COL5A1: variants seen among roughly 807,000 people sequenced by gnomAD.
COL5A1 encodes the protein collagen type V alpha 1 chain.
In COL5A1, 16 loss-of-function variants were observed where a neutral mutation model predicts 263.7. The observed-to-expected ratio is 0.06, with a 90% CI of 0.04 to 0.09. The LOEUF (loss-of-function observed/expected upper bound fraction) is 0.09. Ranked by LOEUF, COL5A1 falls within the 10% of genes least tolerant of loss-of-function variation. COL5A1 has a pLI of 1.00. For missense variants in COL5A1, 2,036 were observed against 2,540.5 expected (o/e 0.80, Z 4.27); for synonymous variants, 1,012 against 1,004.5 (o/e 1.01, Z -0.14).
chr9:134,760,119 C>A (rs1363220517), intron 18 of COL5A1, among the ~76,000 whole-genome samples: 1 of 128,868 alleles, frequency 7.8e-6, no homozygotes, highest in African/African-American at 3.0e-5. Context: ...CATACACGCC[C>A]ACACACCCCC....
rs1427716893 is a variant in COL5A1 at position 134,757,911 on chromosome 9, T to TG, written c.1882-327dup. ...CTGCTCTCCTGGAGCCTCCCTGGGG[T>TG]GGGGGAGATCAGCAGCAGACACTCA... On this transcript the variant is annotated intron_variant, in intron 17 of 65. Coordinates refer to ENST00000371817, the MANE Select transcript of COL5A1 (RefSeq NM_000093.5). This position sits in a 1 kb window ranked among gnomAD's most constrained non-coding sequence, Gnocchi z 6.2. Among the ~76,000 whole-genome samples, 1 of 151,088 alleles carries TG rather than the reference T, an allele frequency of 6.6e-6. No individual in the cohort carries two copies. The highest frequency in any genetic ancestry group is 1.5e-5 in the Non-Finnish European group (1 of 67,772).
intron 31 of COL5A1, among the ~76,000 whole-genome samples, chr9:134,787,216 T>C (rs1837492666): frequency 6.6e-6 from 1 of 152,190 alleles, no homozygotes; most frequent in South Asian, 2.1e-4. Flanking sequence ...GTGGTCTAAA[T>C]CAAGTCCAGG....
intron 65 of COL5A1, among the ~76,000 whole-genome samples, chr9:134,840,623 G>A (rs1021216953): frequency 6.6e-6 from 1 of 152,174 alleles, no homozygotes; most frequent in Non-Finnish European, 1.5e-5. Context: ...AGGTCCATTC[G>A]CTGCCACGAC....
chr9:134,786,359 A>C (rs1398825598), intron 31 of COL5A1, among the ~76,000 whole-genome samples: 2 of 152,142 alleles, frequency 1.3e-5, no homozygotes, highest in East Asian at 3.9e-4. Context: ...CTCAGCCTCC[A>C]CCGTGTTCAC....
chr9:134,728,896 T>C, intron 6 of COL5A1, 89 bp downstream of exon 6: 1 of 1,557,104 alleles, frequency 6.4e-7, no homozygotes. Context: ...TGTGTCAGGG[T>C]AGAGGGTTGG....
At chr9:134,658,976 G>A (rs1282667705) in intron 1 of COL5A1, among the ~76,000 whole-genome samples, 1 of 152,238 alleles carries the variant, frequency 6.6e-6, no homozygotes, top group African/African-American at 2.4e-5. Flanking sequence ...CTGACCCCAA[G>A]TGCCTTCACA....
intron 2 of COL5A1, among the ~76,000 whole-genome samples, chr9:134,692,610 G>A (rs918726315): frequency 2.0e-5 from 3 of 152,154 alleles, no homozygotes; most frequent in Non-Finnish European, 1.5e-5. Context: ...GGAAGTAAGC[G>A]CTCCTGCTTT....
chr9:134,769,922 C>T (rs1836817321), intron 25 of COL5A1, among the ~76,000 whole-genome samples: 1 of 152,212 alleles, frequency 6.6e-6, no homozygotes, highest in East Asian at 1.9e-4. Context: ...CTTGTTCTCC[C>T]TGGAATTCCC....
At position 134,755,603 on chromosome 9, in the gene COL5A1, C is replaced by G. The variant is rs1480493076; in HGVS notation, c.1828-1162C>G. On this transcript the variant is annotated intron_variant, in intron 16 of 65. Coordinates refer to ENST00000371817, the MANE Select transcript of COL5A1 (RefSeq NM_000093.5). The surrounding 1 kb of genome is among the most constrained non-coding windows in gnomAD (Gnocchi z 4.1). ...GCTCGCTTGTGAATTGTAGAAGCAT[C>G]TGGGTGCTTTGCGGGGCTGAGTTGT... Among the ~76,000 whole-genome samples, 1 of 152,258 alleles carries G rather than the reference C, an allele frequency of 6.6e-6. No homozygotes were observed. The highest frequency in any genetic ancestry group is 1.5e-5 in the Non-Finnish European group (1 of 68,046).
chr9:134,767,106 C>A lies in COL5A1; in HGVS notation c.2187+53C>A, dbSNP rs546755839. Reference sequence around the variant, plus strand: ...CAGGGATCCGGCCGTGGGAGGCACACGTCTCCAGTCCGGAGCCCTGGGAGG... The same window carrying A: ...CAGGGATCCGGCCGTGGGAGGCACAAGTCTCCAGTCCGGAGCCCTGGGAGG... On this transcript the variant is annotated intron_variant, in intron 23 of 65. Coordinates refer to ENST00000371817, the MANE Select transcript of COL5A1 (RefSeq NM_000093.5). 6 of 1,583,200 alleles carry A rather than the reference C, an allele frequency of 3.8e-6. No individual in the cohort carries two copies. The Admixed American group carries it at 8.6e-5, about 23-fold the overall frequency.
In COL5A1 at chr9:134,818,807, C is replaced by A. The variant is rs553985401; in HGVS notation, c.4339-41C>A. 2 of 1,612,466 alleles carry A rather than the reference C, an allele frequency of 1.2e-6. No homozygotes were observed. Among genetic ancestry groups the A allele is most frequent in the South Asian group, 2.2e-5 (2 of 91,050 alleles). Reference sequence around the variant, plus strand: ...GCAGAGGGGTTGCCGAGTGGAGGGACGGGGGACCAGCAACTCATGCAGAGC... The same window carrying A: ...GCAGAGGGGTTGCCGAGTGGAGGGAAGGGGGACCAGCAACTCATGCAGAGC... On this transcript the variant is annotated intron_variant, in intron 55 of 65. Transcript: ENST00000371817. The surrounding 1 kb of genome is among the most constrained non-coding windows in gnomAD (Gnocchi z 6.0).
chr9:134,720,832 C>T (rs1233672393), intron 4 of COL5A1, among the ~76,000 whole-genome samples: 1 of 152,118 alleles, frequency 6.6e-6, no homozygotes, highest in East Asian at 1.9e-4. Flanking sequence ...AGTGAATGTT[C>T]CAGAAGGAGG....
At position 134,817,241 on chromosome 9, in the gene COL5A1, C is replaced by A. The variant is rs79839026; in HGVS notation, c.4176+162C>A. 0.028 allele frequency among the ~76,000 whole-genome samples: 4,339 copies of A among 152,314 alleles called. 227 individuals are homozygous for A. Among genetic ancestry groups the A allele is most frequent in the African/African-American group, 0.096 (3,993 of 41,550 alleles). ...CACTTAGCCTCGGCCACATCATCAC[C>A]TAATCACAGGCTTGCCAGGTCGACG... On this transcript the variant is annotated intron_variant, in intron 53 of 65. Coordinates refer to ENST00000371817, the MANE Select transcript of COL5A1 (RefSeq NM_000093.5).
chr9:134,740,797 G>A (rs1330880052), intron 11 of COL5A1, among the ~76,000 whole-genome samples: 3 of 152,210 alleles, frequency 2.0e-5, no homozygotes, highest in Non-Finnish European at 2.9e-5. Context: ...CCCAGCTGCC[G>A]TGGAGGAGCC....
rs769674770 is a variant in COL5A1, at chr9:134,701,207, T to C, written c.528T>C (p.Asn176=). The part of the protein sequence containing the change: ...HRIALSVHKK[N]VTLILDCKKK... ...TTGCTCTCAGCGTCCACAAGAAAAA[T>C]GTCACCTTGATCCTCGACTGTAAAA... is the stretch of plus-strand genomic sequence containing the variant. Residue 176 remains asparagine (N), a synonymous_variant, in exon 4 of 66, where the codon AAT becomes AAC. Coordinates refer to ENST00000371817, the MANE Select transcript of COL5A1 (RefSeq NM_000093.5). 9 of 1,613,920 alleles carry C rather than the reference T, an allele frequency of 5.6e-6. No individual in the cohort carries two copies. The highest frequency in any genetic ancestry group is 7.6e-6 in the Non-Finnish European group (9 of 1,180,016).
intron 4 of COL5A1, among the ~76,000 whole-genome samples, chr9:134,711,802 C>T (rs1834051414): frequency 6.6e-6 from 1 of 152,170 alleles, no homozygotes; most frequent in African/African-American, 2.4e-5. Context: ...GATCCAAATC[C>T]CCGCTCTTCA....
rs904488047 is a variant in COL5A1 at position 134,742,004 on chromosome 9, G to A, written c.1494+3196G>A. On this transcript the variant is annotated intron_variant, in intron 11 of 65. Coordinates refer to ENST00000371817, the MANE Select transcript of COL5A1 (RefSeq NM_000093.5). The surrounding 1 kb of genome is among the most constrained non-coding windows in gnomAD (Gnocchi z 4.6). ...CCTGTGGGCAGCCGTGGGCAGCCGT[G>A]GCAATTGGCTGGGAGCCGTCTGTGC... Among the ~76,000 whole-genome samples, 3 of 152,110 alleles carry A rather than the reference G, an allele frequency of 2.0e-5. No homozygotes were observed. Among genetic ancestry groups the A allele is most frequent in the Non-Finnish European group, 1.5e-5 (1 of 68,022 alleles).
At chr9:134,648,332 C>A (rs950881357) in intron 1 of COL5A1, among the ~76,000 whole-genome samples, 1 of 149,490 alleles carries the variant, frequency 6.7e-6, no homozygotes, top group Non-Finnish European at 1.5e-5. Context: ...TCTATTATTT[C>A]TATTCCTATT....
At chr9:134,796,276 AT>A (rs1837904875) in intron 34 of COL5A1, 97 bp from the exon 35 acceptor site, 1 of 1,335,446 alleles carries the variant, frequency 7.5e-7, no homozygotes, top group Non-Finnish European at 1.1e-6. Context: ...CACACAGGCA[AT>A]ATTTGACTCA....
Sources: gnomAD v4.1 joint callset for allele counts (sites outside exome capture counted in the v4.1 genomes callset) on GRCh38, gnomAD v4.1.1 for gene constraint, Gnocchi (gnomAD v3.1) non-coding constraint, MANE v1.5 for transcripts, NCBI Gene and HGNC (gene_info 2026-07-23, HGNC 2026-07-21) for gene names.